Variants in TAFA5 observed in about 807,000 individuals in gnomAD.
The protein encoded by TAFA5 is chemokine-like protein TAFA-5.
Under a neutral mutation model 15.3 loss-of-function variants are expected in TAFA5, and 6 were observed. The observed-to-expected ratio is 0.39, with a 90% CI of 0.21 to 0.77. TAFA5 has a LOEUF of 0.77. Ranked by LOEUF, TAFA5 falls within the 30% of genes least tolerant of loss-of-function variation. The pLI is 0.41. For synonymous variants in TAFA5, 103 were observed against 80.7 expected (o/e 1.28, Z -1.48); for missense variants, 161 against 193.1 (o/e 0.83, Z 0.98).
intron 1 of TAFA5, among the ~76,000 whole-genome samples, chr22:48,593,562 T>A (rs1474124721): frequency 6.6e-6 from 1 of 152,098 alleles, no homozygotes; most frequent in East Asian, 1.9e-4. Context: ...TAGTGCCAAG[T>A]TGAGAGAAAC....
At chr22:48,678,757 AAGTT>A (rs1419619408) in intron 2 of TAFA5, among the ~76,000 whole-genome samples, 1 of 138,772 alleles carries the variant, frequency 7.2e-6, no homozygotes, top group Non-Finnish European at 1.5e-5. Flanking sequence ...CGGAAAAACA[AAGTT>A]AAAAAAAAAA....
chr22:48,577,233 G>A (rs1601590132), intron 1 of TAFA5, among the ~76,000 whole-genome samples: 5 of 152,336 alleles, frequency 3.3e-5, no homozygotes, highest in Admixed American at 3.3e-4. Flanking sequence ...CGTGGCTGGA[G>A]AGGCCCTTTG....
At chr22:48,741,891 G>T (rs1930190182) in intron 3 of TAFA5, among the ~76,000 whole-genome samples, 1 of 152,238 alleles carries the variant, frequency 6.6e-6, no homozygotes, top group South Asian at 2.1e-4. Context: ...TGATGAGGAA[G>T]GTCGCTGTGG....
chr22:48,605,541 T>C (rs547787981), intron 1 of TAFA5, among the ~76,000 whole-genome samples: 27 of 152,166 alleles, frequency 1.8e-4, no homozygotes, highest in Non-Finnish European at 3.8e-4. Context: ...CCTACTTTTT[T>C]ATGTCTTACT....
At chr22:48,690,087 G>A (rs1456302313) in intron 2 of TAFA5, among the ~76,000 whole-genome samples, 1 of 151,904 alleles carries the variant, frequency 6.6e-6, no homozygotes, top group Non-Finnish European at 1.5e-5. Context: ...CCTGCCCTGT[G>A]GCATCAGCTG....
intron 1 of TAFA5, among the ~76,000 whole-genome samples, chr22:48,638,302 T>C (rs2147195338): frequency 9.3e-6 from 1 of 107,204 alleles, no homozygotes; most frequent in Non-Finnish European, 1.8e-5. Context: ...AAGCCACACA[T>C]AGGCAACAAC....
chr22:48,522,618 G>A (rs925285803), intron 1 of TAFA5, among the ~76,000 whole-genome samples: 8 of 152,186 alleles, frequency 5.3e-5, no homozygotes, highest in Admixed American at 6.5e-5. Flanking sequence ...CCAGGCACAG[G>A]GCCTGAGTCC....
At chr22:48,651,163 G>A (rs1165850482) in intron 2 of TAFA5, among the ~76,000 whole-genome samples, 1 of 152,240 alleles carries the variant, frequency 6.6e-6, no homozygotes, top group Non-Finnish European at 1.5e-5. Flanking sequence ...CCAGTAGCGG[G>A]GGCAGCAGAG....
At chr22:48,640,265 G>A (rs1302319401) in intron 1 of TAFA5, among the ~76,000 whole-genome samples, 1 of 152,170 alleles carries the variant, frequency 6.6e-6, no homozygotes, top group Non-Finnish European at 1.5e-5. Context: ...CTGCTGGAGG[G>A]TGGAGGGTCC....
rs193121157 is a variant in TAFA5, at chr22:48,499,922, C to T, written c.112+10218C>T. ...ACAGCACTCCCAACACACACACACC[C>T]GTGAGTCTGCCTGCAGCTCCAGATC... On this transcript the variant is annotated intron_variant, in intron 1 of 3. Coordinates refer to ENST00000402357, the MANE Select transcript of TAFA5 (RefSeq NM_001082967.3). Among the ~76,000 whole-genome samples the T allele has an allele frequency of 3.9e-5, 6 of 152,142 alleles. No homozygotes were observed. In the South Asian group the frequency reaches 6.2e-4, roughly 16 times the overall value.
rs1338525945 is a variant in TAFA5 at position 48,750,104 on chromosome 22, C to A, written c.*257C>A. 1.9e-6 allele frequency: 1 copy of A among 540,056 alleles called. No individual in the cohort carries two copies. Among genetic ancestry groups the A allele is most frequent in the Non-Finnish European group, 3.3e-6 (1 of 303,030 alleles). 33.5% of individuals were successfully genotyped at this position (540,056 alleles called of 1,614,324 possible). On this transcript the variant is annotated 3_prime_UTR_variant, in exon 4 of 4. Coordinates refer to ENST00000402357, the MANE Select transcript of TAFA5 (RefSeq NM_001082967.3). ...ATCAGCAATACGCAGTCTGTGGGAGCCCGGCCGCGCCCAGCCCCCGCCGAC... is the reference window on the plus strand; with the variant it reads ...ATCAGCAATACGCAGTCTGTGGGAGACCGGCCGCGCCCAGCCCCCGCCGAC...
At chr22:48,745,093 G>A (rs1370596591) in intron 3 of TAFA5, among the ~76,000 whole-genome samples, 1 of 152,216 alleles carries the variant, frequency 6.6e-6, no homozygotes, top group Non-Finnish European at 1.5e-5. Context: ...CCATTAGCCT[G>A]TGAGGGTGTC....
Position 48,707,765 on chromosome 22 carries a change from A to G in TAFA5, c.311A>G (p.Glu104Gly). ...KQWCDMLPCLEGEGCDLLINR... is the reference protein window; with the variant it reads ...KQWCDMLPCLGGEGCDLLINR... ...TGGTGTGACATGCTTCCGTGTCTGG[A>G]GGGGGAAGGCTGCGACTTGTTAATC... is the stretch of plus-strand genomic sequence containing the variant. The change falls in exon 3 of 4, where the codon GAG becomes GGG. Residue 104 changes from glutamate to glycine, a missense_variant. By Grantham distance (98) the Glu-to-Gly change is moderately conservative (BLOSUM62 -2). Coordinates refer to ENST00000402357, the MANE Select transcript of TAFA5 (RefSeq NM_001082967.3). The G allele has an allele frequency of 6.2e-7, 1 of 1,613,856 alleles. No homozygotes were observed.
intron 1 of TAFA5, among the ~76,000 whole-genome samples, chr22:48,574,331 C>T (rs1280094496): frequency 3.9e-5 from 6 of 152,116 alleles, no homozygotes; most frequent in Admixed American, 6.5e-5. Context: ...AGAACTGCTT[C>T]GTGGATGGCC....
At chr22:48,708,137 G>A (rs1301318024) in intron 3 of TAFA5, among the ~76,000 whole-genome samples, 1 of 152,226 alleles carries the variant, frequency 6.6e-6, no homozygotes, top group African/African-American at 2.4e-5. Context: ...GAAACCCCCT[G>A]GTTAGAGCCG....
chr22:48,630,462 TG>T (rs1291350086), intron 1 of TAFA5, among the ~76,000 whole-genome samples: 4 of 152,068 alleles, frequency 2.6e-5, no homozygotes, highest in Admixed American at 1.3e-4. Context: ...TCATTGCCTT[TG>T]TTGAGTCGTC....
intron 2 of TAFA5, among the ~76,000 whole-genome samples, chr22:48,670,048 C>G (rs1246868150): frequency 1.3e-5 from 2 of 152,246 alleles, no homozygotes; most frequent in African/African-American, 4.8e-5. Context: ...CTGCGAATCC[C>G]TCCTGCGGAA....
chr22:48,702,165 A>G (rs1324482471), intron 2 of TAFA5, among the ~76,000 whole-genome samples: 1 of 152,056 alleles, frequency 6.6e-6, no homozygotes, highest in Non-Finnish European at 1.5e-5. Flanking sequence ...GTGTGTGGAC[A>G]TGTGGCTGAG....
At chr22:48,526,940 A>G (rs1300246684) in intron 1 of TAFA5, among the ~76,000 whole-genome samples, 1 of 152,220 alleles carries the variant, frequency 6.6e-6, no homozygotes, top group Non-Finnish European at 1.5e-5. Context: ...AAGGGGGAGG[A>G]TATTGAGTTG....
Sources: gnomAD v4.1 joint callset for allele counts (sites outside exome capture counted in the v4.1 genomes callset) on GRCh38, gnomAD v4.1.1 for gene constraint, MANE v1.5 for transcripts, NCBI Gene and HGNC (gene_info 2026-07-23, HGNC 2026-07-21) for gene names.